Variants in RANBP17 observed in about 807,000 individuals in gnomAD.
RANBP17 encodes ran-binding protein 17.
RANBP17 carries 158 observed loss-of-function variants against 141.2 expected under a neutral mutation model. That is an observed-to-expected ratio of 1.12 (90% CI 0.98 to 1.28). The LOEUF (loss-of-function observed/expected upper bound fraction) is 1.28, where lower values mean the gene tolerates loss of function less well. Among genes scored for constraint, RANBP17 ranks in the 50% most tolerant of loss-of-function variants. RANBP17 has a pLI of 0.00. For missense variants in RANBP17, 1,438 were observed against 1,290.7 expected, an observed-to-expected ratio of 1.11 and a Z score of -1.75; for synonymous variants, 430 against 450.0, an observed-to-expected ratio of 0.96 and a Z score of 0.56.
At chr5:171,122,619 A>G (rs1314472783) in intron 14 of RANBP17, among the ~76,000 whole-genome samples, 1 of 152,218 alleles carries the variant, frequency 6.6e-6, no homozygotes, top group Non-Finnish European at 1.5e-5. Flanking sequence ...GGCAAGCAAG[A>G]GATCCCTAAC....
At chr5:170,878,021 T>G (rs1768332533) in intron 1 of RANBP17, 76 bp from the exon 2 acceptor site, 1 of 1,005,672 alleles carries the variant, frequency 9.9e-7, no homozygotes, top group Non-Finnish European at 1.4e-6. Context: ...GATATTTGTA[T>G]CCCTTGTTTT....
chr5:170,947,098 A>T (rs779464634), intron 12 of RANBP17, among the ~76,000 whole-genome samples: 1 of 152,232 alleles, frequency 6.6e-6, no homozygotes, highest in South Asian at 2.1e-4. Context: ...ATGAGGATCA[A>T]CTATATCATA....
In RANBP17 at chr5:171,213,679, T is replaced by G. The variant is rs73323469; in HGVS notation, c.2280T>G (p.Tyr760Ter). The G allele has an allele frequency of 6.2e-7, 1 of 1,613,914 alleles. No homozygotes were observed. The highest frequency in any genetic ancestry group is 1.3e-5 in the African/African-American group (1 of 75,038). Residue 760 changes from tyrosine to a stop codon, truncating the protein, a stop_gained, in exon 21 of 28, where the codon TAT (tyrosine) becomes TAG (stop). Transcript: ENST00000523189. LOFTEE classifies it high-confidence loss of function. ...PLLQNAVERW[Y>*]GEPTCTTPIL... ...TTCAGAATGCTGTTGAACGGTGGTA[T>G]GGAGAGCCAACATGTACAACTCCCA...
intron 14 of RANBP17, among the ~76,000 whole-genome samples, chr5:171,066,900 A>G (rs1784344163): frequency 6.6e-6 from 1 of 152,224 alleles, no homozygotes; most frequent in African/African-American, 2.4e-5. Flanking sequence ...AGTCCTTCAG[A>G]CTGAAATGAA....
intron 14 of RANBP17, among the ~76,000 whole-genome samples, chr5:171,121,693 C>G (rs2127773908): frequency 6.6e-6 from 1 of 152,250 alleles, no homozygotes; most frequent in South Asian, 2.1e-4. Context: ...TGCGCAGGAC[C>G]AGAGTCACTG....
intron 14 of RANBP17, among the ~76,000 whole-genome samples, chr5:171,148,048 A>G (rs531972873): frequency 6.6e-6 from 1 of 152,290 alleles, no homozygotes; most frequent in East Asian, 1.9e-4. Flanking sequence ...TGCACTAAGA[A>G]AAATTCTTCT....
chr5:171,226,870 G>A (rs1763913893), intron 22 of RANBP17, among the ~76,000 whole-genome samples: 1 of 152,296 alleles, frequency 6.6e-6, no homozygotes, highest in Middle Eastern at 3.4e-3. Flanking sequence ...GTTGTACTTT[G>A]CAGATACTGT....
chr5:170,886,217 A>G (rs1055045140), intron 3 of RANBP17, among the ~76,000 whole-genome samples: 2 of 152,082 alleles, frequency 1.3e-5, no homozygotes, highest in African/African-American at 4.8e-5. Context: ...TCCTCATTGA[A>G]CTCATGGGGT....
At chr5:170,931,435 T>G (rs36143146) in intron 12 of RANBP17, among the ~76,000 whole-genome samples, 2 of 151,994 alleles carry the variant, frequency 1.3e-5, no homozygotes, top group Non-Finnish European at 2.9e-5. Context: ...GTCAATTTTG[T>G]CTTTTGTTGC....
rs1158478681 is a variant in RANBP17 at position 171,299,833 on chromosome 5, G to A, written c.*975G>A. 9.1e-6 allele frequency: 2 copies of A among 220,988 alleles called. No individual in the cohort carries two copies. Among genetic ancestry groups the A allele is most frequent in the African/African-American group, 4.5e-5 (2 of 44,720 alleles). The allele number at this position is 220,988 out of a possible 1,614,324, so 13.7% of individuals were successfully genotyped here. Reference sequence around the variant, plus strand: ...AACATGAAGAAGACCTTTACAGTTTGTGCTCTACTGTTACTAGGCTATTAA... The same window carrying A: ...AACATGAAGAAGACCTTTACAGTTTATGCTCTACTGTTACTAGGCTATTAA... On this transcript the variant is annotated 3_prime_UTR_variant, in exon 28 of 28. Transcript: ENST00000523189.
At chr5:170,888,976 G>A (rs921050112) in intron 3 of RANBP17, among the ~76,000 whole-genome samples, 14 of 151,936 alleles carry the variant, frequency 9.2e-5, no homozygotes, top group Admixed American at 2.6e-4. Flanking sequence ...ATGTTATCAT[G>A]TGATTTTTCT....
intron 6 of RANBP17, 72 bp from the exon 7 acceptor site, chr5:170,910,894 AATT>A: frequency 1.4e-6 from 2 of 1,416,490 alleles, no homozygotes; most frequent in Non-Finnish European, 2.0e-6. Flanking sequence ...GACATTGAAA[AATT>A]ATTTTAATTC....
At chr5:170,986,033 A>G (rs1400121763) in intron 14 of RANBP17, among the ~76,000 whole-genome samples, 2 of 152,126 alleles carry the variant, frequency 1.3e-5, no homozygotes, top group African/African-American at 4.8e-5. Flanking sequence ...ATAGTAATTT[A>G]TAAATAAAGT....
At position 170,972,372 on chromosome 5, in the gene RANBP17, C is replaced by T. The variant is rs911862609; in HGVS notation, c.1710+3995C>T. On this transcript the variant is annotated intron_variant, in intron 14 of 27. Coordinates refer to ENST00000523189, the MANE Select transcript of RANBP17 (RefSeq NM_022897.5). The stretch of plus-strand genomic sequence containing the variant: ...AATTTTTTTGTATTTTTAGTAGAGA[C>T]GAGGTTTCACCATGTTGGCCAGGCT... Among the ~76,000 whole-genome samples, 18 of 151,848 alleles carry T rather than the reference C, an allele frequency of 1.2e-4. 1 individual carries two copies. The highest frequency in any genetic ancestry group is 6.3e-4 in the South Asian group (3 of 4,792).
At chr5:171,248,138 G>T (rs924474153) in intron 24 of RANBP17, among the ~76,000 whole-genome samples, 1 of 152,124 alleles carries the variant, frequency 6.6e-6, no homozygotes, top group South Asian at 2.1e-4. Flanking sequence ...AGGCAGAGGC[G>T]GGCAGATCAC....
chr5:171,225,126 A>G (rs1763812262), intron 22 of RANBP17, among the ~76,000 whole-genome samples: 1 of 152,248 alleles, frequency 6.6e-6, no homozygotes. Context: ...CAAGTAGCTG[A>G]ATTGGAATTT....
chr5:170,974,359 A>G (rs1435613287), intron 14 of RANBP17, among the ~76,000 whole-genome samples: 1 of 152,206 alleles, frequency 6.6e-6, no homozygotes, highest in African/African-American at 2.4e-5. Context: ...CCAAAACTTA[A>G]TAAGGCAGCA....
At chr5:171,141,348 G>A (rs1336451117) in intron 14 of RANBP17, among the ~76,000 whole-genome samples, 1 of 151,490 alleles carries the variant, frequency 6.6e-6, no homozygotes, top group Non-Finnish European at 1.5e-5. Context: ...TGTAATCCCA[G>A]CACTTTGGGA....
At chr5:171,141,432 TA>T (rs760388998) in intron 14 of RANBP17, among the ~76,000 whole-genome samples, 6,574 of 130,138 alleles carry the variant, frequency 0.051, 365 homozygotes, top group African/African-American at 0.14. Flanking sequence ...CCATCTCTAC[TA>T]AAAAAAAAAA....
Sources: gnomAD v4.1 joint callset for allele counts (sites outside exome capture counted in the v4.1 genomes callset) on GRCh38, gnomAD v4.1.1 for gene constraint, MANE v1.5 for transcripts, NCBI Gene and HGNC (gene_info 2026-07-23, HGNC 2026-07-21) for gene names.